The following PTK2B variants were observed in gnomAD, a reference collection of about 807,000 sequenced individuals.
The protein encoded by PTK2B is protein-tyrosine kinase 2-beta.
In PTK2B, 71 loss-of-function variants were observed where a neutral mutation model predicts 142.9. That is an observed-to-expected ratio of 0.50 (90% CI 0.41 to 0.61). The LOEUF (loss-of-function observed/expected upper bound fraction) is 0.61, where lower values mean the gene tolerates loss of function less well. Ranked by LOEUF, PTK2B falls within the 20% of genes least tolerant of loss-of-function variation. The pLI is 0.00. For synonymous variants in PTK2B, 519 were observed against 503.4 expected (o/e 1.03, Z -0.42); for missense variants, 1,105 against 1,320.4 (o/e 0.84, Z 2.53).
intron 2 of PTK2B, among the ~76,000 whole-genome samples, chr8:27,405,874 C>T (rs1299774448): frequency 6.6e-6 from 1 of 152,246 alleles, no homozygotes; most frequent in Admixed American, 6.5e-5. Flanking sequence ...TCTTCAATCA[C>T]TTATTTTAGA....
At chr8:27,347,650 G>A (rs1804795778) in intron 1 of PTK2B, among the ~76,000 whole-genome samples, 1 of 151,924 alleles carries the variant, frequency 6.6e-6, no homozygotes, top group Non-Finnish European at 1.5e-5. Context: ...ACTGGATTAG[G>A]GCCCACCCTA....
At chr8:27,366,785 G>A (rs781284412) in intron 1 of PTK2B, among the ~76,000 whole-genome samples, 4 of 151,734 alleles carry the variant, frequency 2.6e-5, no homozygotes, top group African/African-American at 4.8e-5. Flanking sequence ...AGCATGTCAA[G>A]GGGTGTTTGT....
At chr8:27,377,030 A>G (rs770169417) in intron 1 of PTK2B, among the ~76,000 whole-genome samples, 2 of 152,148 alleles carry the variant, frequency 1.3e-5, no homozygotes, top group Non-Finnish European at 2.9e-5. Flanking sequence ...GTTTAGAACC[A>G]GAGACTCGCT....
At chr8:27,315,045 C>T (rs1003229326) in intron 3 of PTK2B, among the ~76,000 whole-genome samples, 2 of 152,220 alleles carry the variant, frequency 1.3e-5, no homozygotes, top group East Asian at 3.8e-4. Context: ...CACACATTAG[C>T]TTGCAAGTAG....
At chr8:27,375,418 C>T (rs143576147) in intron 1 of PTK2B, among the ~76,000 whole-genome samples, 48 of 152,286 alleles carry the variant, frequency 3.2e-4, no homozygotes, top group African/African-American at 1.1e-3. Flanking sequence ...CTGGTATCAC[C>T]CTTCCCAGTG....
At position 27,350,993 on chromosome 8, in the gene PTK2B, AT is replaced by A. The variant is rs56981930; in HGVS notation, c.-38+25313del. On this transcript the variant is annotated intron_variant, in intron 1 of 30. Coordinates refer to ENST00000346049, the MANE Select transcript of PTK2B (RefSeq NM_173176.3). Reference sequence around the variant, plus strand: ...TCCGTCTCAAAAAAAAAAAAAAAATATATATATATATATATATATATATATA... The same window carrying A: ...TCCGTCTCAAAAAAAAAAAAAAAATAATATATATATATATATATATATATA... Among the ~76,000 whole-genome samples, 64 of 11,460 alleles carry A rather than the reference AT, an allele frequency of 5.6e-3. 16 individuals carry two copies. The highest frequency in any genetic ancestry group is 0.012 in the African/African-American group (36 of 2,906). 7.5% of individuals were successfully genotyped at this position (11,460 alleles called of 152,430 possible).
At chr8:27,324,521 T>C (rs1313208227), upstream of PTK2B, among the ~76,000 whole-genome samples, 1 of 152,258 alleles carries the variant, frequency 6.6e-6, no homozygotes, top group East Asian at 1.9e-4. Flanking sequence ...TTAACTTATC[T>C]AAGTCTCCAG....
intron 1 of PTK2B, among the ~76,000 whole-genome samples, chr8:27,340,860 G>A (rs953310004): frequency 6.6e-6 from 1 of 152,230 alleles, no homozygotes; most frequent in African/African-American, 2.4e-5. Flanking sequence ...GCTGGTGAAG[G>A]AAGAACCCAC....
At chr8:27,346,361 C>T (rs1032119354) in intron 1 of PTK2B, among the ~76,000 whole-genome samples, 1 of 151,914 alleles carries the variant, frequency 6.6e-6, no homozygotes, top group East Asian at 1.9e-4. Context: ...ATGACGAGAC[C>T]CTGCCTCCAC....
Position 27,345,549 on chromosome 8 carries a change from T to A in PTK2B, c.-38+19868T>A, listed in dbSNP as rs118016556. Among the ~76,000 whole-genome samples the A allele has an allele frequency of 4.5e-3, 687 of 152,278 alleles. 7 individuals are homozygous for A. The highest frequency in any genetic ancestry group is 0.035 in the East Asian group (182 of 5,168). On this transcript the variant is annotated intron_variant, in intron 1 of 30. Coordinates refer to ENST00000346049, the MANE Select transcript of PTK2B (RefSeq NM_173176.3). Reference sequence around the variant, plus strand: ...TCTTGGAGAATCCCCCTGATTCCCCTGTAAAGGCAAGCTGAGCCAGGAGTG... The same window carrying A: ...TCTTGGAGAATCCCCCTGATTCCCCAGTAAAGGCAAGCTGAGCCAGGAGTG...
At chr8:27,438,060 G>A (rs1810903846) in intron 18 of PTK2B, 180 bp downstream of exon 18, 1 of 603,906 alleles carries the variant, frequency 1.7e-6, no homozygotes, top group African/African-American at 1.8e-5. Flanking sequence ...CTGTAAAGTT[G>A]CAGGCACTGT....
At position 27,370,567 on chromosome 8, in the gene PTK2B, T is replaced by G. The variant is rs534625359; in HGVS notation, c.-37-26981T>G. ...GGTATGATTTCCCTTTTGTAAAATA[T>G]GCCTAACTCCACTCACCACCCATCC... On this transcript the variant is annotated intron_variant, in intron 1 of 30. Transcript: ENST00000346049. Among the ~76,000 whole-genome samples the G allele has an allele frequency of 1.5e-3, 221 of 152,360 alleles. 1 individual carries two copies. Among genetic ancestry groups the G allele is most frequent in the African/African-American group, 4.7e-3 (194 of 41,592 alleles).
At position 27,437,140 on chromosome 8, in the gene PTK2B, G is replaced by A. The variant is rs1468672554; in HGVS notation, c.1360G>A (p.Val454Ile). Residue 454 changes from valine to isoleucine, a missense_variant, in exon 16 of 31, where the codon GTA (valine) becomes ATA (isoleucine). Coordinates refer to ENST00000346049, the MANE Select transcript of PTK2B (RefSeq NM_173176.3). The stretch of plus-strand genomic sequence containing the variant: ...GTTACAGAAAGGGGAGAAAATCAAT[G>A]TAGCTGTCAAGACCTGCAAGAAAGA... ...YTNHKGEKIN[V>I]AVKTCKKDCT... 1 of 1,614,016 alleles carries A rather than the reference G, an allele frequency of 6.2e-7. No homozygotes were observed. Among genetic ancestry groups the A allele is most frequent in the Non-Finnish European group, 8.5e-7 (1 of 1,179,942 alleles).
chr8:27,430,857 G>A lies in PTK2B; in HGVS notation c.670-19G>A, dbSNP rs1456942626. ...TGGGAGGAGCAGGCATTGCTCACACGGCCCATCCCCTCCCCCAGCCCAAAC... is the reference window on the plus strand; with the variant it reads ...TGGGAGGAGCAGGCATTGCTCACACAGCCCATCCCCTCCCCCAGCCCAAAC... On this transcript the variant is annotated intron_variant, in intron 7 of 30. Transcript: ENST00000346049. 3.7e-6 allele frequency: 6 copies of A among 1,611,210 alleles called. 1 individual carries two copies. In the South Asian group the frequency reaches 4.4e-5, roughly 12 times the overall value.
At chr8:27,392,993 T>C (rs1807817131) in intron 1 of PTK2B, among the ~76,000 whole-genome samples, 2 of 152,212 alleles carry the variant, frequency 1.3e-5, no homozygotes, top group Admixed American at 1.3e-4. Flanking sequence ...CGATGCTAAT[T>C]GTCATCTTTA....
In PTK2B at chr8:27,412,185, A is replaced by T. The variant is rs557112080; in HGVS notation, c.205-7710A>T. 1.1e-4 allele frequency among the ~76,000 whole-genome samples: 17 copies of T among 152,302 alleles called. No individual in the cohort carries two copies. The South Asian group carries it at 1.4e-3, about 13-fold the overall frequency. On this transcript the variant is annotated intron_variant, in intron 2 of 30. Transcript: ENST00000346049. ...CGTTGATTGATTGATTGATTGATGG[A>T]ATCACTGGCCACATAATTGGACTCA...
chr8:27,454,089 A>G, intron 28 of PTK2B, 65 bp from the exon 29 acceptor site: 3 of 1,598,928 alleles, frequency 1.9e-6, no homozygotes, highest in Non-Finnish European at 2.6e-6. Flanking sequence ...GTGCCTGCCC[A>G]GGAAAGAATC....
At chr8:27,390,153 C>T (rs1348054111) in intron 1 of PTK2B, among the ~76,000 whole-genome samples, 1 of 152,024 alleles carries the variant, frequency 6.6e-6, no homozygotes, top group Non-Finnish European at 1.5e-5. Flanking sequence ...GTGGTGCTTT[C>T]GAGACAGGCA....
chr8:27,319,955 C>T (rs901469189), intron 3 of PTK2B, among the ~76,000 whole-genome samples: 1 of 152,202 alleles, frequency 6.6e-6, no homozygotes, highest in Non-Finnish European at 1.5e-5. Context: ...TTTCTCCCCA[C>T]CAACAACTGA....
Sources: gnomAD v4.1 joint callset for allele counts (sites outside exome capture counted in the v4.1 genomes callset) on GRCh38, gnomAD v4.1.1 for gene constraint, MANE v1.5 for transcripts, NCBI Gene and HGNC (gene_info 2026-07-23, HGNC 2026-07-21) for gene names.